Variants in TRERF1 observed in about 807,000 individuals in gnomAD.
The protein encoded by TRERF1 is transcriptional regulating factor 1, also known as transcriptional-regulating factor 1.
A neutral mutation model predicts 122.9 loss-of-function variants in TRERF1; 27 were observed. That is an observed-to-expected ratio of 0.22 (90% confidence interval 0.16 to 0.30). The LOEUF (loss-of-function observed/expected upper bound fraction) is 0.30. Ranked by LOEUF, TRERF1 falls within the 10% of genes least tolerant of loss-of-function variation. The pLI is 1.00. For synonymous variants in TRERF1, 636 were observed against 641.7 expected, an observed-to-expected ratio of 0.99 and a Z score of 0.13; for missense variants, 1,248 against 1,560.3, an observed-to-expected ratio of 0.80 and a Z score of 3.37.
chr6:42,304,681 G>A (rs1280746061), intron 3 of TRERF1, among the ~76,000 whole-genome samples: 1 of 152,066 alleles, frequency 6.6e-6, no homozygotes, highest in Non-Finnish European at 1.5e-5. Flanking sequence ...CCAGATACCT[G>A]GCCCCTACCC....
intron 13 of TRERF1, among the ~76,000 whole-genome samples, chr6:42,247,992 G>A (rs933360334): frequency 2.0e-4 from 31 of 152,064 alleles, no homozygotes; most frequent in Non-Finnish European, 2.8e-4. Context: ...CTCCCATTCC[G>A]GGCGAGTCCA....
chr6:42,374,510 T>A lies in TRERF1; in HGVS notation c.-453-11431A>T, dbSNP rs1774452467. Among the ~76,000 whole-genome samples, 3 of 152,120 alleles carry A rather than the reference T, an allele frequency of 2.0e-5. No homozygotes were observed. In the South Asian group the frequency reaches 6.2e-4, roughly 32 times the overall value. On this transcript the variant is annotated intron_variant, in intron 2 of 17. Transcript: ENST00000372922. Reference sequence around the variant, plus strand: ...GGGAGCCTCACCAGCCTTAGATGGTTTCCCTCACCATGCCCACACATCTGT... The same window carrying A: ...GGGAGCCTCACCAGCCTTAGATGGTATCCCTCACCATGCCCACACATCTGT...
At chr6:42,415,629 T>C (rs900380636) in intron 2 of TRERF1, among the ~76,000 whole-genome samples, 1 of 152,210 alleles carries the variant, frequency 6.6e-6, no homozygotes, top group African/African-American at 2.4e-5. Context: ...TATTTTTCCA[T>C]ACATTTGAAA....
At chr6:42,303,032 T>C (rs1786494993) in intron 3 of TRERF1, among the ~76,000 whole-genome samples, 1 of 152,200 alleles carries the variant, frequency 6.6e-6, no homozygotes, top group Non-Finnish European at 1.5e-5. Context: ...GAGAACCATA[T>C]AAACAGATAA....
At chr6:42,289,422 T>A (rs1242183245) in intron 4 of TRERF1, among the ~76,000 whole-genome samples, 2 of 72,940 alleles carry the variant, frequency 2.7e-5, no homozygotes, top group East Asian at 7.1e-4. Flanking sequence ...AGATCAAGGG[T>A]GAGCTAAGTT....
intron 2 of TRERF1, among the ~76,000 whole-genome samples, chr6:42,364,540 G>A (rs144856650): frequency 1.3e-5 from 2 of 152,338 alleles, no homozygotes; most frequent in East Asian, 3.9e-4. Flanking sequence ...AATCAAAGAA[G>A]CCAAGAGAAA....
At chr6:42,407,920 T>C (rs544179865) in intron 2 of TRERF1, among the ~76,000 whole-genome samples, 1 of 151,596 alleles carries the variant, frequency 6.6e-6, no homozygotes. Flanking sequence ...CTATCTCGTA[T>C]CAAGTGTTTG....
At position 42,393,916 on chromosome 6, in the gene TRERF1, G is replaced by GA. The variant is rs61581284; in HGVS notation, c.-453-30838dup. Reference sequence around the variant, plus strand: ...CAAACTCTCCAATGTATATATGCAGGAAAAAAAAAAAAAAAAAGACTGGGA... The same window carrying GA: ...CAAACTCTCCAATGTATATATGCAGGAAAAAAAAAAAAAAAAAAGACTGGGA... On this transcript the variant is annotated intron_variant, in intron 2 of 17. Coordinates refer to ENST00000372922, the Ensembl canonical transcript of TRERF1. The surrounding 1 kb of genome is among the most constrained non-coding windows in gnomAD (Gnocchi z 4.1). 7.8e-3 allele frequency among the ~76,000 whole-genome samples: 930 copies of GA among 118,984 alleles called. 6 individuals are homozygous for GA. Among genetic ancestry groups the GA allele is most frequent in the East Asian group, 0.032 (130 of 4,060 alleles). 78.1% of individuals were successfully genotyped at this position (118,984 alleles called of 152,430 possible).
At chr6:42,422,863 G>C (rs1783004059) in intron 2 of TRERF1, among the ~76,000 whole-genome samples, 2 of 151,738 alleles carry the variant, frequency 1.3e-5, no homozygotes, top group Non-Finnish European at 2.9e-5. Context: ...TTTTGAGATG[G>C]AGTTTCGCTC....
chr6:42,334,815 G>A (rs551597955), intron 3 of TRERF1, among the ~76,000 whole-genome samples: 3 of 152,336 alleles, frequency 2.0e-5, no homozygotes, highest in South Asian at 4.1e-4. Context: ...CTGAGTGAGC[G>A]GCAGAGCACC....
chr6:42,341,804 A>C (rs73733149), intron 3 of TRERF1, among the ~76,000 whole-genome samples: 3,542 of 152,290 alleles, frequency 0.023, 143 homozygotes, highest in African/African-American at 0.08. Context: ...AACACTAAAC[A>C]TTTCTTCATC....
chr6:42,374,150 A>AAAGAAG lies in TRERF1; in HGVS notation c.-453-11077_-453-11072dup, dbSNP rs762812010. On this transcript the variant is annotated intron_variant, in intron 2 of 17. Coordinates refer to ENST00000372922, the Ensembl canonical transcript of TRERF1. ...CTGTCTTTTTTTTAAAAAAAAAAAA[A>AAAGAAG]AAGAAGAAGAAGAAGAAGAAGAAGA... Among the ~76,000 whole-genome samples, 484 of 144,014 alleles carry AAAGAAG rather than the reference A, an allele frequency of 3.4e-3. 5 individuals are homozygous for AAAGAAG. Among genetic ancestry groups the AAAGAAG allele is most frequent in the East Asian group, 0.026 (111 of 4,302 alleles). 94.5% of individuals were successfully genotyped at this position (144,014 alleles called of 152,430 possible).
chr6:42,274,866 C>T (rs1357153955), intron 4 of TRERF1, among the ~76,000 whole-genome samples: 7 of 152,098 alleles, frequency 4.6e-5, no homozygotes, highest in Non-Finnish European at 7.3e-5. Context: ...ACATGCAAAA[C>T]AGCAAAAATT....
chr6:42,331,582 A>G (rs1016538993), intron 3 of TRERF1, among the ~76,000 whole-genome samples: 1 of 152,202 alleles, frequency 6.6e-6, no homozygotes, highest in Non-Finnish European at 1.5e-5. Flanking sequence ...GGTCAGAGGT[A>G]TAGATCCCGC....
chr6:42,318,565 A>T (rs1209814077), intron 3 of TRERF1, among the ~76,000 whole-genome samples: 1 of 152,240 alleles, frequency 6.6e-6, no homozygotes, highest in Non-Finnish European at 1.5e-5. Context: ...GTTAGGTCCC[A>T]AGAAGCAGAG....
intron 3 of TRERF1, among the ~76,000 whole-genome samples, chr6:42,334,542 C>T (rs564954673): frequency 6.6e-6 from 1 of 152,332 alleles, no homozygotes; most frequent in African/African-American, 2.4e-5. Context: ...ACTAATTCTA[C>T]ACAGCAAATC....
At chr6:42,319,642 G>A (rs1763059655) in intron 3 of TRERF1, among the ~76,000 whole-genome samples, 1 of 151,950 alleles carries the variant, frequency 6.6e-6, no homozygotes, top group Non-Finnish European at 1.5e-5. Context: ...AACAACATAG[G>A]GAAACCCCAT....
chr6:42,384,349 G>C (rs879061151), intron 2 of TRERF1, among the ~76,000 whole-genome samples: 9 of 152,134 alleles, frequency 5.9e-5, no homozygotes, highest in African/African-American at 1.9e-4. Flanking sequence ...TCATAATATG[G>C]AATAATTTTC....
At chr6:42,347,751 A>C (rs540522800) in intron 3 of TRERF1, among the ~76,000 whole-genome samples, 1 of 152,314 alleles carries the variant, frequency 6.6e-6, no homozygotes, top group African/African-American at 2.4e-5. Flanking sequence ...TAAAACCCCC[A>C]CAAATAAAGC....
Sources: gnomAD v4.1 joint callset for allele counts (sites outside exome capture counted in the v4.1 genomes callset) on GRCh38, gnomAD v4.1.1 for gene constraint, Gnocchi (gnomAD v3.1) non-coding constraint, MANE v1.5 for transcripts, NCBI Gene and HGNC (gene_info 2026-07-23, HGNC 2026-07-21) for gene names.